PDSS2: variants seen among roughly 807,000 people sequenced by gnomAD.
PDSS2 encodes the protein decaprenyl diphosphate synthase subunit 2.
In PDSS2, 31 loss-of-function variants were observed where a neutral mutation model predicts 44.5. The observed-to-expected ratio is 0.70, with a 90% CI of 0.52 to 0.94. The LOEUF (loss-of-function observed/expected upper bound fraction) is 0.94. PDSS2 is among the 40% of genes least tolerant of loss of function. PDSS2 has a pLI of 0.00. For synonymous variants in PDSS2, 157 were observed against 180.3 expected (o/e 0.87, Z 1.03); for missense variants, 452 against 482.2 (o/e 0.94, Z 0.59).
intron 3 of PDSS2, among the ~76,000 whole-genome samples, chr6:107,271,550 T>G (rs1381917870): frequency 1.3e-5 from 2 of 152,200 alleles, no homozygotes; most frequent in African/African-American, 4.8e-5. Context: ...ATGCATGGGC[T>G]ACAGTACAAT....
intron 1 of PDSS2, among the ~76,000 whole-genome samples, chr6:107,410,751 G>C (rs1171455939): frequency 6.6e-6 from 1 of 151,980 alleles, no homozygotes; most frequent in Non-Finnish European, 1.5e-5. Flanking sequence ...GCCTCCCAAA[G>C]TGCTGAGATT....
intron 1 of PDSS2, among the ~76,000 whole-genome samples, chr6:107,383,832 G>A (rs1583018470): frequency 6.6e-6 from 1 of 152,078 alleles, no homozygotes; most frequent in South Asian, 2.1e-4. Flanking sequence ...TTCATTAATG[G>A]GATTTTAAAA....
intron 1 of PDSS2, among the ~76,000 whole-genome samples, chr6:107,377,558 A>G (rs941146385): frequency 2.0e-5 from 3 of 152,194 alleles, no homozygotes; most frequent in Admixed American, 6.5e-5. Flanking sequence ...AGGACTATAA[A>G]TCATGCTGCT....
At chr6:107,367,066 G>A (rs1344135855) in intron 1 of PDSS2, among the ~76,000 whole-genome samples, 2 of 152,022 alleles carry the variant, frequency 1.3e-5, no homozygotes, top group Non-Finnish European at 2.9e-5. Context: ...CATGAATGCA[G>A]ACACAAAAGT....
chr6:107,189,537 C>G (rs975580802), intron 7 of PDSS2, among the ~76,000 whole-genome samples: 9 of 152,212 alleles, frequency 5.9e-5, no homozygotes, highest in Non-Finnish European at 8.8e-5. Context: ...GGGGTTTCAC[C>G]ATGTTGATCA....
intron 1 of PDSS2, among the ~76,000 whole-genome samples, chr6:107,339,017 C>T (rs1777996825): frequency 6.6e-6 from 1 of 152,086 alleles, no homozygotes; most frequent in Admixed American, 6.6e-5. Flanking sequence ...AACCACTGAG[C>T]CAGGCCGTAA....
chr6:107,255,605 A>G (rs1352887922), intron 3 of PDSS2, among the ~76,000 whole-genome samples: 1 of 152,032 alleles, frequency 6.6e-6, no homozygotes, highest in Non-Finnish European at 1.5e-5. Flanking sequence ...ATCTCAAAAA[A>G]AAAAAAAAAC....
intron 4 of PDSS2, among the ~76,000 whole-genome samples, chr6:107,244,859 C>T (rs1035718806): frequency 2.6e-5 from 4 of 152,076 alleles, no homozygotes; most frequent in Non-Finnish European, 5.9e-5. Context: ...ATAGGAGCCC[C>T]TTATAATAGT....
Position 107,362,480 on chromosome 6 carries a change from G to A in PDSS2, c.297-28148C>T, listed in dbSNP as rs1016874812. On this transcript the variant is annotated intron_variant, in intron 1 of 7. Transcript: ENST00000369037. ...AAGGGATAAAATAGTGAGAAGAGACGTCACAACTGCACATTGTGAAGGATA... is the reference window on the plus strand; with the variant it reads ...AAGGGATAAAATAGTGAGAAGAGACATCACAACTGCACATTGTGAAGGATA... Among the ~76,000 whole-genome samples, 5 of 152,150 alleles carry A rather than the reference G, an allele frequency of 3.3e-5. 1 individual carries two copies. The highest frequency in any genetic ancestry group is 2.0e-4 in the Admixed American group (3 of 15,276).
chr6:107,344,561 A>G (rs1778181663), intron 1 of PDSS2, among the ~76,000 whole-genome samples: 1 of 152,120 alleles, frequency 6.6e-6, no homozygotes, highest in Admixed American at 6.5e-5. Context: ...CAGGGCCAAG[A>G]ACTGCCTCAC....
chr6:107,239,276 C>CA (rs897848317), intron 4 of PDSS2, among the ~76,000 whole-genome samples: 27 of 151,402 alleles, frequency 1.8e-4, no homozygotes, highest in Non-Finnish European at 3.7e-4. Context: ...GACTCCGTCT[C>CA]AAAAAAAACC....
At chr6:107,373,840 A>G (rs1706092320) in intron 1 of PDSS2, among the ~76,000 whole-genome samples, 1 of 152,214 alleles carries the variant, frequency 6.6e-6, no homozygotes, top group South Asian at 2.1e-4. Flanking sequence ...AGGTTCTAGC[A>G]TGGCCCTCTG....
chr6:107,318,648 T>C (rs1226893831), intron 2 of PDSS2, among the ~76,000 whole-genome samples: 1 of 152,172 alleles, frequency 6.6e-6, no homozygotes, highest in African/African-American at 2.4e-5. Flanking sequence ...CATTATTTCT[T>C]AAAAACATGA....
intron 2 of PDSS2, among the ~76,000 whole-genome samples, chr6:107,291,512 T>C (rs1219302171): frequency 1.4e-5 from 2 of 147,628 alleles, no homozygotes; most frequent in African/African-American, 2.4e-5. Context: ...CATACCCAGC[T>C]AATTTTTAGT....
intron 1 of PDSS2, among the ~76,000 whole-genome samples, chr6:107,355,956 T>C (rs1401943623): frequency 6.6e-6 from 1 of 152,172 alleles, no homozygotes; most frequent in East Asian, 1.9e-4. Context: ...GAGGAAGAGA[T>C]CTCAAGTCAC....
At chr6:107,448,972 T>C (rs550418674) in intron 1 of PDSS2, among the ~76,000 whole-genome samples, 2 of 152,276 alleles carry the variant, frequency 1.3e-5, no homozygotes, top group East Asian at 3.9e-4. Flanking sequence ...ATGATTCAAT[T>C]ACCACCCACT....
At chr6:107,354,641 A>AAGTC (rs766376546) in intron 1 of PDSS2, among the ~76,000 whole-genome samples, 3 of 152,226 alleles carry the variant, frequency 2.0e-5, no homozygotes, top group African/African-American at 7.2e-5. Flanking sequence ...ATCTGGAAGA[A>AAGTC]AGTCAGTCAG....
intron 1 of PDSS2, among the ~76,000 whole-genome samples, chr6:107,366,130 C>T (rs937998991): frequency 1.3e-5 from 2 of 152,130 alleles, no homozygotes; most frequent in South Asian, 4.1e-4. Flanking sequence ...TTCTCATATG[C>T]TGGGCCAGAA....
intron 1 of PDSS2, among the ~76,000 whole-genome samples, chr6:107,416,312 G>A (rs1055722290): frequency 2.0e-5 from 3 of 151,932 alleles, no homozygotes; most frequent in Admixed American, 6.6e-5. Context: ...AAAGAGACTC[G>A]GCACAGACAT....
Sources: gnomAD v4.1 joint callset for allele counts (sites outside exome capture counted in the v4.1 genomes callset) on GRCh38, gnomAD v4.1.1 for gene constraint, MANE v1.5 for transcripts, NCBI Gene and HGNC (gene_info 2026-07-23, HGNC 2026-07-21) for gene names.